The following RTTN variants were observed in gnomAD, a reference collection of about 807,000 sequenced individuals.
RTTN encodes rotatin.
Under a neutral mutation model 269.2 loss-of-function variants are expected in RTTN, and 182 were observed. The ratio of observed to expected loss-of-function variants is 0.68; its 90% confidence interval spans 0.60 to 0.76. RTTN has a LOEUF of 0.76. RTTN is among the 30% of genes least tolerant of loss of function. RTTN has a pLI of 0.00. For synonymous variants in RTTN, 1,006 were observed against 963.5 expected, an observed-to-expected ratio of 1.04 and a Z score of -0.82; for missense variants, 2,545 against 2,608.6, an observed-to-expected ratio of 0.98 and a Z score of 0.53.
chr18:70,019,869 A>G (rs2045097398), intron 45 of RTTN: 1 of 152,230 alleles, frequency 6.6e-6, no homozygotes, highest in Non-Finnish European at 1.5e-5. Context: ...CAGTAGAGGA[A>G]AAGGAGACTC....
At chr18:70,096,794 T>C (rs117107420) in intron 28 of RTTN, among the ~76,000 whole-genome samples, 3,836 of 152,236 alleles carry the variant, frequency 0.025, 68 homozygotes, top group Middle Eastern at 0.12. Context: ...CTTAAGGAGG[T>C]AGTCTGTCCC....
At chr18:70,022,956 A>C (rs957215136) in intron 44 of RTTN, among the ~76,000 whole-genome samples, 3 of 152,128 alleles carry the variant, frequency 2.0e-5, no homozygotes, top group African/African-American at 7.2e-5. Context: ...AGTACAATCT[A>C]CATGACAATG....
At chr18:70,009,539 T>C (rs991226608) in intron 46 of RTTN, among the ~76,000 whole-genome samples, 2 of 152,148 alleles carry the variant, frequency 1.3e-5, no homozygotes, top group African/African-American at 4.8e-5. Flanking sequence ...CTGAGAGATT[T>C]TGTCACCAGC....
chr18:70,202,700 T>C (rs1478804768), intron 3 of RTTN, among the ~76,000 whole-genome samples: 1 of 152,236 alleles, frequency 6.6e-6, no homozygotes, highest in Non-Finnish European at 1.5e-5. Flanking sequence ...GAATCCTGCA[T>C]CTGCTACAGG....
Position 70,205,249 on chromosome 18 carries a change from A to G in RTTN, c.98T>C (p.Leu33Ser), listed in dbSNP as rs759125481. 20 of 1,614,202 alleles carry G rather than the reference A, an allele frequency of 1.2e-5. No individual in the cohort carries two copies. The South Asian group carries it at 2.1e-4, about 17-fold the overall frequency. The change falls in exon 2 of 49, where the codon TTA (leucine) becomes TCA (serine). Residue 33 changes from leucine to serine, a missense_variant. Physicochemically the swap from Leu to Ser is moderately radical, Grantham distance 145. Transcript: ENST00000640769. ...KSILCKIEHN[L>S]ICYADLIQER... is the part of the protein sequence containing the mutation. Reference sequence around the variant, plus strand: ...CTGAATGAGATCAGCGTAGCAGATTAAGTTGTGCTCAATCTTGCAGAGAAT... The same window carrying G: ...CTGAATGAGATCAGCGTAGCAGATTGAGTTGTGCTCAATCTTGCAGAGAAT...
intron 27 of RTTN, among the ~76,000 whole-genome samples, chr18:70,112,496 A>AAAT (rs2059496637): frequency 6.7e-6 from 1 of 149,652 alleles, no homozygotes; most frequent in South Asian, 2.1e-4. Context: ...AAAAAAAAAA[A>AAAT]AAAAAGCAAG....
rs1288633853 is a variant in RTTN, at chr18:70,109,596, C to T, written c.3805G>A (p.Gly1269Arg). ...GLPSLERTLR[G>R]MANLTAFPGW... ...GGAAACGCAGTGAGGTTAGCCATCC[C>T]TCGTAAGGTCCGCTCAAGGGACGGC... Residue 1269 changes from glycine (G) to arginine (R), a missense_variant, in exon 28 of 49, where the codon GGG becomes AGG. Physicochemically the swap from Gly to Arg is moderately radical, Grantham distance 125 (BLOSUM62 -2). Coordinates refer to ENST00000640769, the MANE Select transcript of RTTN (RefSeq NM_173630.4). 1 of 1,613,960 alleles carries T rather than the reference C, an allele frequency of 6.2e-7. No individual in the cohort carries two copies. The highest frequency in any genetic ancestry group is 1.7e-5 in the Admixed American group (1 of 60,016).
intron 9 of RTTN, among the ~76,000 whole-genome samples, chr18:70,188,464 GA>G (rs1863718068): frequency 6.6e-6 from 1 of 152,138 alleles, no homozygotes; most frequent in Admixed American, 6.5e-5. Flanking sequence ...AAAAGATATT[GA>G]AAGTAGCAAT....
chr18:70,163,332 A>C (rs2145886173), intron 14 of RTTN, among the ~76,000 whole-genome samples: 1 of 152,000 alleles, frequency 6.6e-6, no homozygotes. Context: ...CTGTGAGCCA[A>C]GATTGTGCCA....
intron 10 of RTTN, among the ~76,000 whole-genome samples, chr18:70,180,382 G>C (rs1402183427): frequency 6.6e-6 from 1 of 152,010 alleles, no homozygotes; most frequent in Non-Finnish European, 1.5e-5. Flanking sequence ...AGGAGTTTGA[G>C]ACCAGCCTGG....
At chr18:70,101,891 G>A (rs2059177490) in intron 28 of RTTN, among the ~76,000 whole-genome samples, 2 of 152,304 alleles carry the variant, frequency 1.3e-5, no homozygotes, top group South Asian at 4.1e-4. Flanking sequence ...GCTGTTCTGA[G>A]TGAGTTTCTT....
intron 3 of RTTN, among the ~76,000 whole-genome samples, chr18:70,202,714 G>C (rs1272461894): frequency 6.6e-6 from 1 of 152,214 alleles, no homozygotes; most frequent in Non-Finnish European, 1.5e-5. Context: ...CTACAGGTTA[G>C]AAAACTTGGT....
At chr18:70,130,063 C>G (rs759654588) in intron 23 of RTTN, 4 of 151,784 alleles carry the variant, frequency 2.6e-5, no homozygotes, top group Non-Finnish European at 5.9e-5. Context: ...AAATGCAAAT[C>G]AAAACCACAA....
At chr18:70,033,241 G>A (rs971964381) in intron 40 of RTTN, among the ~76,000 whole-genome samples, 2 of 152,186 alleles carry the variant, frequency 1.3e-5, no homozygotes, top group African/African-American at 4.8e-5. Context: ...CAGAAGCTGA[G>A]TAGATGCCAG....
Position 70,034,475 on chromosome 18 carries a change from C to T in RTTN, c.5542-3494G>A, listed in dbSNP as rs116227804. 2.7e-3 allele frequency among the ~76,000 whole-genome samples: 412 copies of T among 152,310 alleles called. 1 individual carries two copies. The highest frequency in any genetic ancestry group is 9.5e-3 in the African/African-American group (396 of 41,566). On this transcript the variant is annotated intron_variant, in intron 40 of 48. Coordinates refer to ENST00000640769, the MANE Select transcript of RTTN (RefSeq NM_173630.4). ...AATAACACGATTATCTCAACAGAGG[C>T]TTTCAGTAAAATTCAACATCTTTTC...
rs149368029 is a variant in RTTN at position 70,041,679 on chromosome 18, T to C, written c.5541+6292A>G. On this transcript the variant is annotated intron_variant, in intron 40 of 48. Coordinates refer to ENST00000640769, the MANE Select transcript of RTTN (RefSeq NM_173630.4). ...CTCCCAGCCCTTGCAAAATCCCGGA[T>C]GCTTAGTCTCTGGAGAGGATAAATT... Among the ~76,000 whole-genome samples the C allele has an allele frequency of 4.5e-4, 68 of 152,298 alleles. 1 individual carries two copies. Among genetic ancestry groups the C allele is most frequent in the African/African-American group, 1.4e-3 (59 of 41,566 alleles).
chr18:70,037,636 T>C (rs532166234), intron 40 of RTTN, among the ~76,000 whole-genome samples: 1 of 152,310 alleles, frequency 6.6e-6, no homozygotes, highest in South Asian at 2.1e-4. Flanking sequence ...ACCACAGGCC[T>C]TGGGCTCTGG....
At chr18:70,141,790 G>A (rs978974148) in intron 19 of RTTN, among the ~76,000 whole-genome samples, 2 of 151,854 alleles carry the variant, frequency 1.3e-5, no homozygotes, top group African/African-American at 4.8e-5. Context: ...AAAAATAAAC[G>A]TTTAAAGAAA....
At chr18:70,006,085 A>C (rs561682550) in intron 47 of RTTN, 53 of 245,156 alleles carry the variant, frequency 2.2e-4, no homozygotes, top group Non-Finnish European at 3.7e-4. Context: ...CGTCTTTTAG[A>C]AGAAACAATC....
Sources: allele counts gnomAD v4.1 joint callset (sites outside exome capture counted in the v4.1 genomes callset), GRCh38; gene constraint gnomAD v4.1.1; transcripts MANE v1.5; gene names NCBI Gene and HGNC (gene_info 2026-07-23, HGNC 2026-07-21).